Variants in XRCC3 observed in about 807,000 individuals in gnomAD.
XRCC3 encodes DNA repair protein XRCC3.
A neutral mutation model predicts 29.2 loss-of-function variants in XRCC3; 34 were observed. That is an observed-to-expected ratio of 1.16 (90% CI 0.88 to 1.55). The LOEUF is 1.55. XRCC3 is among the 40% of genes most tolerant of loss of function. The pLI is 0.00. For missense variants in XRCC3, 463 were observed against 467.6 expected (o/e 0.99, Z 0.09); for synonymous variants, 223 against 211.3 (o/e 1.06, Z -0.48).
Position 103,698,267 on chromosome 14 carries a change from CAAGGACCCAGAGGTGGGTGAG to C in XRCC3, c.*510_*530del, listed in dbSNP as rs569340535. 156 of 176,292 alleles carry C rather than the reference CAAGGACCCAGAGGTGGGTGAG, an allele frequency of 8.8e-4. No homozygotes were observed. The highest frequency in any genetic ancestry group is 2.4e-3 in the Admixed American group (43 of 18,274). 10.9% of individuals were successfully genotyped at this position (176,292 alleles called of 1,614,324 possible). A position where few individuals can be genotyped will look rare whatever the true frequency, so the allele number is the denominator to read the frequency against. On this transcript the variant is annotated 3_prime_UTR_variant, in exon 10 of 10. Coordinates refer to ENST00000555055, the MANE Select transcript of XRCC3 (RefSeq NM_005432.4). ...GTGCCGAGGTGGGGCCCCCGGGAGC[CAAGGACCCAGAGGTGGGTGAG>C]GAGGAGCCGCCTGCCTGCAGCCCCA...
At chr14:103,703,801 T>A (rs2083329024) in intron 6 of XRCC3, 2 of 215,216 alleles carry the variant, frequency 9.3e-6, no homozygotes, top group Non-Finnish European at 1.9e-5. Context: ...TCCTGCAATC[T>A]GGGCTCCATG....
chr14:103,713,622 G>C (rs1480088656), intron 1 of XRCC3: 1 of 152,364 alleles, frequency 6.6e-6, no homozygotes, highest in Non-Finnish European at 1.5e-5. Flanking sequence ...GAAATGCCGT[G>C]GTTACTGCCT....
At chr14:103,711,894 C>T (rs1271261949) in intron 2 of XRCC3, 1 of 354,850 alleles carries the variant, frequency 2.8e-6, no homozygotes, top group African/African-American at 2.1e-5. Flanking sequence ...GTGTCCAGGA[C>T]ATGGGGAAAC....
At chr14:103,712,513 C>T (rs2083672248) in intron 2 of XRCC3, 1 of 152,442 alleles carries the variant, frequency 6.6e-6, no homozygotes. Context: ...GAAAAGAGGT[C>T]ATTTTCAGAA....
chr14:103,701,269 A>G, intron 7 of XRCC3: 1 of 1,519,116 alleles, frequency 6.6e-7, no homozygotes, highest in Non-Finnish European at 8.9e-7. Context: ...CGGGACAGCC[A>G]GGGCGGCAGG....
At chr14:103,707,536 C>T (rs1487762090) in intron 5 of XRCC3, 2 of 460,898 alleles carry the variant, frequency 4.3e-6, no homozygotes, top group African/African-American at 2.0e-5. Context: ...CTAACAGCCT[C>T]CATGTGAAGA....
chr14:103,701,233 C>T (rs1017781777), intron 7 of XRCC3: 11 of 1,549,338 alleles, frequency 7.1e-6, no homozygotes, highest in Non-Finnish European at 9.6e-6. Context: ...CAGGATGGGA[C>T]TGCCGAGTGT....
rs927209065 is a variant in XRCC3, at chr14:103,706,467, C to T, written c.406+536G>A. On this transcript the variant is annotated intron_variant, in intron 6 of 9. Transcript: ENST00000555055. ...TAAGGAGCTACTGAGAAACATCTCTCCTCCTCACAGCTCACAGTTTAAAAC... is the reference window on the plus strand; with the variant it reads ...TAAGGAGCTACTGAGAAACATCTCTTCTCCTCACAGCTCACAGTTTAAAAC... 56 of 450,718 alleles carry T rather than the reference C, an allele frequency of 1.2e-4. No individual in the cohort carries two copies. The East Asian group carries it at 1.4e-3, about 11-fold the overall frequency. 27.9% of individuals were successfully genotyped at this position (450,718 alleles called of 1,614,324 possible).
chr14:103,709,002 C>A lies in XRCC3; in HGVS notation c.56-343G>T, dbSNP rs190581268. The A allele has an allele frequency of 7.7e-5, 28 of 365,352 alleles. 1 individual carries two copies. Among genetic ancestry groups the A allele is most frequent in the Non-Finnish European group, 1.3e-4 (24 of 187,780 alleles). The allele number at this position is 365,352 out of a possible 1,614,324, so 22.6% of individuals were successfully genotyped here. ...GAGAAGAAACGACAGGCACCCAGTT[C>A]CATGCCAGCTGGAGACAGTGCTCCA... On this transcript the variant is annotated intron_variant, in intron 4 of 9. Transcript: ENST00000555055.
Position 103,707,012 on chromosome 14 carries a change from G to T in XRCC3, c.397C>A (p.Leu133Met). Residue 133 changes from leucine (L) to methionine (M), a missense_variant, in exon 6 of 10, where the codon CTG (leucine) becomes ATG (methionine). Leu to Met is a conservative substitution (Grantham distance 15). Transcript: ENST00000555055. Reference protein sequence around the residue: ...AVQFPRQHGGLEAGAVYICTE... With the variant: ...AVQFPRQHGGMEAGAVYICTE... ...AGGGGTGGCCACTCACCAGCCTCCA[G>T]GCCTCCGTGCTGCCGCGGGAACTGC... The T allele has an allele frequency of 1.3e-6, 2 of 1,557,460 alleles. No homozygotes were observed. The highest frequency in any genetic ancestry group is 1.7e-6 in the Non-Finnish European group (2 of 1,156,072).
At chr14:103,708,813 G>A in intron 4 of XRCC3, 154 bp from the exon 5 acceptor site, 1 of 980,174 alleles carries the variant, frequency 1.0e-6, no homozygotes, top group South Asian at 1.4e-5. Context: ...CTGCTCCCTG[G>A]AAACCCTGGA....
At chr14:103,707,472 A>C in intron 5 of XRCC3, 1 of 565,904 alleles carries the variant, frequency 1.8e-6, no homozygotes, top group South Asian at 2.0e-5. Context: ...CTATGGGGCA[A>C]TTGCAGCACC....
intron 6 of XRCC3, chr14:103,704,724 C>T (rs2083372778): frequency 6.6e-6 from 1 of 152,166 alleles, no homozygotes; most frequent in Admixed American, 6.5e-5. Context: ...CCGAACTGTA[C>T]ACTTTTAGAG....
intron 6 of XRCC3, chr14:103,704,768 T>TA (rs1212094977): frequency 6.6e-6 from 1 of 152,130 alleles, no homozygotes; most frequent in African/African-American, 2.4e-5. Flanking sequence ...CATCTCAATT[T>TA]AAAAAACAGG....
chr14:103,699,094 AC>A (rs771174982), intron 9 of XRCC3, 38 bp downstream of exon 9: 2 of 1,566,632 alleles, frequency 1.3e-6, no homozygotes, highest in East Asian at 2.4e-5. Flanking sequence ...TGCCCCTGGC[AC>A]CTGCACAGAG....
At chr14:103,704,459 T>G (rs3212076) in intron 6 of XRCC3, 1 of 152,154 alleles carries the variant, frequency 6.6e-6, no homozygotes, top group African/African-American at 2.4e-5. Context: ...CAGGCTGGAG[T>G]GCAGTGGTGC....
intron 5 of XRCC3, chr14:103,707,418 AG>A: frequency 3.0e-6 from 2 of 658,058 alleles, no homozygotes; most frequent in South Asian, 1.8e-5. Flanking sequence ...ATGCAGAGTC[AG>A]GGGGAGCCCC....
intron 2 of XRCC3, chr14:103,712,637 G>A (rs1483098921): frequency 6.6e-6 from 1 of 152,434 alleles, no homozygotes; most frequent in African/African-American, 2.4e-5. Flanking sequence ...AGATCTGCAC[G>A]GAGGGATGGT....
intron 6 of XRCC3, chr14:103,705,604 TCA>T: frequency 6.6e-6 from 1 of 152,360 alleles, no homozygotes. Context: ...TTGCATGTGG[TCA>T]CGGTGGCCGT....
Sources: gnomAD v4.1 joint callset for allele counts on GRCh38, gnomAD v4.1.1 for gene constraint, MANE v1.5 for transcripts, NCBI Gene and HGNC (gene_info 2026-07-23, HGNC 2026-07-21) for gene names.